FILIP1: variants seen among roughly 807,000 people sequenced by gnomAD.
FILIP1 encodes filamin-A-interacting protein 1.
In FILIP1, 61 loss-of-function variants were observed where a neutral mutation model predicts 102.1. The observed-to-expected ratio is 0.60, with a 90% CI of 0.49 to 0.74. The LOEUF (loss-of-function observed/expected upper bound fraction) is 0.74, where lower values mean the gene tolerates loss of function less well. FILIP1 is among the 30% of genes least tolerant of loss of function. The pLI is 0.00. For missense variants in FILIP1, 1,314 were observed against 1,441.2 expected, an observed-to-expected ratio of 0.91 and a Z score of 1.43; for synonymous variants, 491 against 526.9, an observed-to-expected ratio of 0.93 and a Z score of 0.93.
intron 4 of FILIP1, among the ~76,000 whole-genome samples, chr6:75,351,576 T>C (rs1774808501): frequency 6.6e-6 from 1 of 152,226 alleles, no homozygotes; most frequent in Non-Finnish European, 1.5e-5. Context: ...TATGTTTAGA[T>C]ACACAAATAC....
At chr6:75,441,839 G>A (rs1349180805) in intron 1 of FILIP1, among the ~76,000 whole-genome samples, 3 of 111,934 alleles carry the variant, frequency 2.7e-5, no homozygotes, top group Non-Finnish European at 3.8e-5. Flanking sequence ...CGGGGGGCTG[G>A]CCCCCCCACC....
chr6:75,295,859 A>G (rs943486588), exon 7 of FILIP1: 3 of 1,265,934 alleles, frequency 2.4e-6, no homozygotes, highest in Admixed American at 3.8e-5. Context: ...TGTCCATTCA[A>G]TAGGGATTCA....
chr6:75,422,593 T>C (rs2149697474), intron 1 of FILIP1, among the ~76,000 whole-genome samples: 1 of 152,272 alleles, frequency 6.6e-6, no homozygotes, highest in South Asian at 2.1e-4. Context: ...GAAAGACAAG[T>C]ACCTTAGGCA....
chr6:75,315,130 A>G lies in FILIP1; in HGVS notation c.702T>C (p.Asn234=). The G allele has an allele frequency of 6.2e-7, 1 of 1,607,858 alleles. No homozygotes were observed. The highest frequency in any genetic ancestry group is 1.1e-5 in the South Asian group (1 of 89,060). ...GTTTAACAAGCTCATCTCTTAGTTT[A>G]TTGAGTCGTTTAGCATTTTCCTTTT... ...RKEKENAKRL[N]KLRDELVKLK... is the part of the protein sequence containing the mutation. The change falls in exon 5 of 6, where the codon AAT becomes AAC. Residue 234 remains asparagine (N), a synonymous_variant. Transcript: ENST00000237172.
intron 1 of FILIP1, among the ~76,000 whole-genome samples, chr6:75,464,199 T>C (rs904447941): frequency 6.6e-6 from 1 of 152,210 alleles, no homozygotes; most frequent in Non-Finnish European, 1.5e-5. Context: ...AGTACTTACA[T>C]TTTATTATTT....
At chr6:75,441,234 A>G (rs1320874483) in intron 1 of FILIP1, among the ~76,000 whole-genome samples, 1 of 151,798 alleles carries the variant, frequency 6.6e-6, no homozygotes, top group Non-Finnish European at 1.5e-5. Flanking sequence ...CACATCTTGC[A>G]CCGCCCTTAA....
intron 1 of FILIP1, among the ~76,000 whole-genome samples, chr6:75,419,684 A>T (rs1340433746): frequency 6.6e-6 from 1 of 152,118 alleles, no homozygotes; most frequent in East Asian, 1.9e-4. Flanking sequence ...CAAAAAGAAA[A>T]CATCTGTTCT....
intron 2 of FILIP1, among the ~76,000 whole-genome samples, chr6:75,379,842 A>G (rs771145239): frequency 3.5e-4 from 54 of 152,164 alleles, no homozygotes; most frequent in African/African-American, 1.3e-3. Flanking sequence ...TAAAACTACA[A>G]TCCTCATCCC....
intron 4 of FILIP1, among the ~76,000 whole-genome samples, chr6:75,321,220 TTTG>T (rs1773641592): frequency 6.6e-6 from 1 of 152,164 alleles, no homozygotes; most frequent in South Asian, 2.1e-4. Context: ...TTGTCGTTTT[TTTG>T]TTTTGTTTTG....
intron 4 of FILIP1, chr6:75,319,086 A>C (rs903832118): frequency 2.7e-6 from 2 of 729,910 alleles, no homozygotes; most frequent in African/African-American, 1.8e-5. Flanking sequence ...CCTCCTCTTC[A>C]TCCTCTTCAT....
At chr6:75,493,176 T>C (rs1780014342) in intron 1 of FILIP1, among the ~76,000 whole-genome samples, 1 of 152,250 alleles carries the variant, frequency 6.6e-6, no homozygotes, top group Non-Finnish European at 1.5e-5. Flanking sequence ...TTTTGATGTC[T>C]ACTAAAACAC....
Position 75,308,886 on chromosome 6 carries a change from G to A in FILIP1, c.3447C>T (p.Asp1149=), listed in dbSNP as rs200892727. ...TGGGTGTAGGCCGCTGGGATGACCC[G>A]TCTTGTCCTGACTGTAAGAGAGAAA... The part of the protein sequence containing the change: ...ARGTQSVSGQ[D]GSSQRPTPTR... The change falls in exon 6 of 6, where the codon GAC becomes GAT. Residue 1149 remains aspartate, a synonymous_variant. Transcript: ENST00000237172. 2.4e-5 allele frequency: 38 copies of A among 1,613,956 alleles called. No individual in the cohort carries two copies. The highest frequency in any genetic ancestry group is 3.0e-5 in the Non-Finnish European group (35 of 1,180,016).
At position 75,313,242 on chromosome 6, in the gene FILIP1, T is replaced by C; in HGVS notation, c.2590A>G (p.Thr864Ala). 2 of 1,613,886 alleles carry C rather than the reference T, an allele frequency of 1.2e-6. No homozygotes were observed. Among genetic ancestry groups the C allele is most frequent in the Non-Finnish European group, 1.7e-6 (2 of 1,179,730 alleles). Residue 864 changes from threonine (T) to alanine (A), a missense_variant, in exon 5 of 6, where the codon ACT (threonine) becomes GCT (alanine). This residue lies in a region of FILIP1 where 816 missense variants were observed against 913.1 expected (regional missense o/e 0.89). Transcript: ENST00000237172. The surrounding 1 kb of genome is among the most constrained non-coding windows in gnomAD (Gnocchi z 4.2). ...CATGGAATCCAAGACTTTCTCATAG[T>C]GAGCTCATTTGCTGCTGGAGGATAC... ...DRYPPAANEL[T>A]MRKSWIPWMR...
chr6:75,301,594 A>G (rs1772839022), intron 6 of FILIP1, among the ~76,000 whole-genome samples: 1 of 152,224 alleles, frequency 6.6e-6, no homozygotes, highest in Admixed American at 6.5e-5. Flanking sequence ...AAGTACTTTT[A>G]CCAGGTAAGT....
At chr6:75,417,211 A>G (rs1562570826) in intron 1 of FILIP1, among the ~76,000 whole-genome samples, 1 of 152,042 alleles carries the variant, frequency 6.6e-6, no homozygotes, top group Non-Finnish European at 1.5e-5. Context: ...CTTAACAAAT[A>G]TTTTTCTTTT....
chr6:75,390,668 C>T (rs1776254719), intron 2 of FILIP1, among the ~76,000 whole-genome samples: 1 of 152,128 alleles, frequency 6.6e-6, no homozygotes. Context: ...AAATCCATCT[C>T]CATGATCCAA....
chr6:75,397,598 AT>A (rs1406418266), intron 2 of FILIP1, among the ~76,000 whole-genome samples: 19 of 151,134 alleles, frequency 1.3e-4, no homozygotes, highest in African/African-American at 2.7e-4. Context: ...ATATATATAT[AT>A]ATATAATTCC....
intron 2 of FILIP1, among the ~76,000 whole-genome samples, chr6:75,409,515 A>C (rs1171072837): frequency 6.6e-6 from 1 of 152,130 alleles, no homozygotes; most frequent in Non-Finnish European, 1.5e-5. Flanking sequence ...TTATAGTTTA[A>C]CTTGGAAGCA....
intron 4 of FILIP1, among the ~76,000 whole-genome samples, chr6:75,348,508 T>C (rs1458081743): frequency 6.6e-6 from 1 of 152,240 alleles, no homozygotes; most frequent in Non-Finnish European, 1.5e-5. Flanking sequence ...ATGATCACAG[T>C]TTGTTGACTT....
Sources: allele counts gnomAD v4.1 joint callset (sites outside exome capture counted in the v4.1 genomes callset), GRCh38; gene constraint gnomAD v4.1.1; regional missense constraint gnomAD v4.1.1; non-coding constraint Gnocchi (gnomAD v3.1); transcripts MANE v1.5; gene names NCBI Gene and HGNC (gene_info 2026-07-23, HGNC 2026-07-21).